DNASE1L2: variants seen among roughly 807,000 people sequenced by gnomAD.
The protein encoded by DNASE1L2 is deoxyribonuclease-1-like 2.
In DNASE1L2, 35 loss-of-function variants were observed where a neutral mutation model predicts 31.8. The observed-to-expected ratio is 1.10, with a 90% CI of 0.84 to 1.46. DNASE1L2 has a LOEUF of 1.46. DNASE1L2 is among the 40% of genes most tolerant of loss of function. The pLI is 0.00. For synonymous variants in DNASE1L2, 211 were observed against 186.5 expected (o/e 1.13, Z -1.07); for missense variants, 504 against 418.8 (o/e 1.20, Z -1.77).
rs760600300 is a variant in DNASE1L2, at chr16:2,237,961, GC to G, written c.790del (p.Gln264SerfsTer30). The G allele has an allele frequency of 8.1e-6, 13 of 1,609,386 alleles. No homozygotes were observed. In the East Asian group the frequency reaches 2.7e-4, roughly 33 times the overall value. On this transcript the variant is annotated frameshift_variant, in exon 6 of 7. Coordinates refer to ENST00000320700, the MANE Select transcript of DNASE1L2 (RefSeq NM_001374.3). LOFTEE classifies it high-confidence loss of function. ...GCGCCCGCCTGCGCCGGAGCCTGAAGCCCCAGTCGGCCACCGTGCACGACTT... is the reference window on the plus strand; with the variant it reads ...GCGCCCGCCTGCGCCGGAGCCTGAAGCCCAGTCGGCCACCGTGCACGACTT... ...CGARLRRSLK[P>X]QSATVHDFQE...
rs780188732 is a variant in DNASE1L2, at chr16:2,237,308, GGCGGGCCGCAGGGAGGGGCGC to G, written c.317+13_317+33del. 5.7e-6 allele frequency: 9 copies of G among 1,588,120 alleles called. No individual in the cohort carries two copies. The highest frequency in any genetic ancestry group is 4.6e-5 in the East Asian group (2 of 43,718). On this transcript the variant is annotated splice_region_variant and intron_variant, in intron 4 of 6. Coordinates refer to ENST00000320700, the MANE Select transcript of DNASE1L2 (RefSeq NM_001374.3). ...TGTACCTGTTCGTGTACAGGTGAGG[GGCGGGCCGCAGGGAGGGGCGC>G]GCGGGGCCGCAGGTCGGGGGCTCAG...
Position 2,237,424 on chromosome 16 carries a change from G to C in DNASE1L2, c.366G>C (p.Glu122Asp). Reference sequence around the variant, plus strand: ...ACACCTACCTGTACCCAGACCCCGAGGACGTCTTCAGCCGCGAGCCCTTCG... The same window carrying C: ...ACACCTACCTGTACCCAGACCCCGACGACGTCTTCAGCCGCGAGCCCTTCG... ...VVDTYLYPDP[E>D]DVFSREPFVV... The change falls in exon 5 of 7, where the codon GAG becomes GAC. Residue 122 changes from glutamate (E) to aspartate (D), a missense_variant. Glu to Asp is a conservative substitution (Grantham distance 45, BLOSUM62 2). Transcript: ENST00000320700. 1.3e-6 allele frequency: 2 copies of C among 1,598,808 alleles called. No individual in the cohort carries two copies. Among genetic ancestry groups the C allele is most frequent in the Non-Finnish European group, 1.7e-6 (2 of 1,175,860 alleles).
Position 2,237,779 on chromosome 16 carries a change from C to G in DNASE1L2, c.604C>G (p.Leu202Val), listed in dbSNP as rs2093517069. 1 of 1,607,472 alleles carries G rather than the reference C, an allele frequency of 6.2e-7. No individual in the cohort carries two copies. The highest frequency in any genetic ancestry group is 8.5e-7 in the Non-Finnish European group (1 of 1,177,846). The change falls in exon 6 of 7, where the codon CTG (leucine) becomes GTG (valine). Residue 202 changes from leucine to valine, a missense_variant. Transcript: ENST00000320700. ...DKWGTDDMLF[L>V]GDFNADCSYV... ...GCGGCGCCCGCAGGACATGCTGTTC[C>G]TGGGCGACTTCAACGCCGACTGCAG...
At chr16:2,237,329 C>A (rs2141486496) in intron 4 of DNASE1L2, 28 bp downstream of exon 4, 3 of 1,591,982 alleles carry the variant, frequency 1.9e-6, no homozygotes, top group African/African-American at 2.7e-5. Context: ...GGGAGGGGCG[C>A]GCGGGGCCGC....
intron 1 of DNASE1L2, 48 bp from the exon 2 acceptor site, chr16:2,236,730 C>G: frequency 6.9e-7 from 1 of 1,449,318 alleles, no homozygotes; most frequent in Non-Finnish European, 9.0e-7. Context: ...AAGGGGCGGC[C>G]GCGGAGGGAA....
rs780278307 is a variant in DNASE1L2 at position 2,238,431 on chromosome 16, C to CTGGGGCA, written c.*16_*22dup. 14 of 1,613,180 alleles carry CTGGGGCA rather than the reference C, an allele frequency of 8.7e-6. No homozygotes were observed. The highest frequency in any genetic ancestry group is 1.6e-4 in the Middle Eastern group (1 of 6,082). Reference sequence around the variant, plus strand: ...GTTCCACCGATGACTCGAGGCCTGGCTGGGGCATGCCACCTGCAGACCCTG... The same window carrying CTGGGGCA: ...GTTCCACCGATGACTCGAGGCCTGGCTGGGGCATGGGGCATGCCACCTGCAGACCCTG... On this transcript the variant is annotated 3_prime_UTR_variant, in exon 7 of 7. Coordinates refer to ENST00000320700, the MANE Select transcript of DNASE1L2 (RefSeq NM_001374.3).
At chr16:2,238,077 C>T (rs1339841705) in intron 6 of DNASE1L2, 59 bp downstream of exon 6, 4 of 1,530,276 alleles carry the variant, frequency 2.6e-6, no homozygotes, top group Non-Finnish European at 3.5e-6. Context: ...CGCACGCAGG[C>T]AGCAGGGAGG....
chr16:2,236,628 C>T lies in DNASE1L2; in HGVS notation c.-40+68C>T, dbSNP rs1169925820. The stretch of plus-strand genomic sequence containing the variant: ...ACCCTCCATTCCGGCTGCAGCTTCC[C>T]GCGCAGTGAGAAGGCAGCGGTCCCT... On this transcript the variant is annotated intron_variant, in intron 1 of 6. Transcript: ENST00000320700. 5.9e-6 allele frequency: 8 copies of T among 1,357,596 alleles called. No individual in the cohort carries two copies. The South Asian group carries it at 1.4e-4, about 23-fold the overall frequency. The allele number at this position is 1,357,596 out of a possible 1,614,324, so 84.1% of individuals were successfully genotyped here.
chr16:2,238,303 C>A, intron 6 of DNASE1L2, 59 bp from the exon 7 acceptor site: 1 of 1,603,984 alleles, frequency 6.2e-7, no homozygotes, highest in Non-Finnish European at 8.5e-7. Flanking sequence ...CCTCACCGGC[C>A]CCTCCCATCC....
intron 3 of DNASE1L2, 31 bp from the exon 4 acceptor site, chr16:2,237,187 C>T (rs985916638): frequency 1.9e-6 from 3 of 1,552,552 alleles, no homozygotes; most frequent in Non-Finnish European, 2.6e-6. Context: ...GGCGCGGCGC[C>T]CCGACCCTGA....
intron 5 of DNASE1L2, 45 bp downstream of exon 5, chr16:2,237,694 G>C (rs767369134): frequency 6.3e-7 from 1 of 1,589,742 alleles, no homozygotes; most frequent in South Asian, 1.1e-5. Context: ...GCGCGCCCCG[G>C]GGGTCTGGTT....
At position 2,237,203 on chromosome 16, in the gene DNASE1L2, CCCCT is replaced by C. The variant is rs2093514123; in HGVS notation, c.234-14_234-11del. The C allele has an allele frequency of 6.4e-7, 1 of 1,560,428 alleles. No homozygotes were observed. The highest frequency in any genetic ancestry group is 8.7e-7 in the Non-Finnish European group (1 of 1,153,258). On this transcript the variant is annotated splice_polypyrimidine_tract_variant and intron_variant, in intron 3 of 6. Transcript: ENST00000320700. Reference sequence around the variant, plus strand: ...GCGCGGCGCCCCGACCCTGAGCGGGCCCCTGTCTCCGCAGCGTGTCCGAGCACGA... The same window carrying C: ...GCGCGGCGCCCCGACCCTGAGCGGGCGTCTCCGCAGCGTGTCCGAGCACGA...
chr16:2,237,473 A>AC lies in DNASE1L2; in HGVS notation c.417dup (p.Gly140ArgfsTer2). The AC allele has an allele frequency of 6.3e-7, 1 of 1,577,362 alleles. No homozygotes were observed. Among genetic ancestry groups the AC allele is most frequent in the South Asian group, 1.1e-5 (1 of 86,968 alleles). On this transcript the variant is annotated frameshift_variant, in exon 5 of 7. Transcript: ENST00000320700. LOFTEE classifies it high-confidence loss of function. ...CGTGGTCAAGTTCTCGGCCCCCGGC[A>AC]CCGGTGAGCGGGCCCCGCCCCTCCC...
rs117794268 is a variant in DNASE1L2 at position 2,237,025 on chromosome 16, C to T, written c.145-13C>T. 0.099 allele frequency: 152,903 copies of T among 1,547,928 alleles called. 8,416 individuals carry two copies. The highest frequency in any genetic ancestry group is 0.11 in the Non-Finnish European group (129,212 of 1,146,524). ...TGACCGCGCTGACCCCCGCACCCGC[C>T]GCTCCTCCCCAGATCCTGGCTGGCT... On this transcript the variant is annotated splice_polypyrimidine_tract_variant and intron_variant, in intron 2 of 6. Transcript: ENST00000320700.
In DNASE1L2 at chr16:2,237,760, C is replaced by T. The variant is rs1467100614; in HGVS notation, c.592-7C>T. The stretch of plus-strand genomic sequence containing the variant: ...GCGGCTCAGACACGGCTCCGCGGCG[C>T]CCGCAGGACATGCTGTTCCTGGGCG... On this transcript the variant is annotated splice_polypyrimidine_tract_variant and splice_region_variant and intron_variant, in intron 5 of 6. Coordinates refer to ENST00000320700, the MANE Select transcript of DNASE1L2 (RefSeq NM_001374.3). 3 of 1,601,254 alleles carry T rather than the reference C, an allele frequency of 1.9e-6. No individual in the cohort carries two copies. Among genetic ancestry groups the T allele is most frequent in the African/African-American group, 2.7e-5 (2 of 74,636 alleles).
Position 2,236,878 on chromosome 16 carries a change from C to A in DNASE1L2, c.62C>A (p.Ala21Glu). 6.3e-7 allele frequency: 1 copy of A among 1,597,358 alleles called. No homozygotes were observed. The highest frequency in any genetic ancestry group is 1.7e-5 in the Admixed American group (1 of 58,006). ...GCGCTGGAAGCCGCCGGGACCGCCGCGCTTCGCATCGGAGCCTTCAACATT... is the reference window on the plus strand; with the variant it reads ...GCGCTGGAAGCCGCCGGGACCGCCGAGCTTCGCATCGGAGCCTTCAACATT... ...LWALEAAGTA[A>E]LRIGAFNIQS... The change falls in exon 2 of 7, where the codon GCG becomes GAG. Residue 21 changes from alanine (A) to glutamate (E), a missense_variant. By Grantham distance (107) the Ala-to-Glu change is moderately radical. Transcript: ENST00000320700.
At position 2,236,570 on chromosome 16, in the gene DNASE1L2, T is replaced by C. The variant is rs994877848; in HGVS notation, c.-40+10T>C. On this transcript the variant is annotated intron_variant, in intron 1 of 6. Coordinates refer to ENST00000320700, the MANE Select transcript of DNASE1L2 (RefSeq NM_001374.3). ...TGCACCCACATCCAAGGTGAGTCTCTCGGCTGCCCTGAGCTGGGGCTGGAT... is the reference window on the plus strand; with the variant it reads ...TGCACCCACATCCAAGGTGAGTCTCCCGGCTGCCCTGAGCTGGGGCTGGAT... 32 of 1,282,244 alleles carry C rather than the reference T, an allele frequency of 2.5e-5. No individual in the cohort carries two copies. The highest frequency in any genetic ancestry group is 1.2e-4 in the Admixed American group (3 of 25,924). The allele number at this position is 1,282,244 out of a possible 1,614,324, so 79.4% of individuals were successfully genotyped here. A position where few individuals can be genotyped will look rare whatever the true frequency, so the allele number is the denominator to read the frequency against.
rs2093511400 is a variant in DNASE1L2 at position 2,236,560 on chromosome 16, G to A, written c.-40G>A. ...CTCGGGCCTCTGCACCCACATCCAA[G>A]GTGAGTCTCTCGGCTGCCCTGAGCT... On this transcript the variant is annotated splice_region_variant and 5_prime_UTR_variant, in exon 1 of 7. Transcript: ENST00000320700. 1.6e-6 allele frequency: 2 copies of A among 1,273,052 alleles called. No homozygotes were observed. Among genetic ancestry groups the A allele is most frequent in the South Asian group, 5.8e-5 (2 of 34,596 alleles). The allele number at this position is 1,273,052 out of a possible 1,614,324, so 78.9% of individuals were successfully genotyped here.
intron 5 of DNASE1L2, 42 bp downstream of exon 5, chr16:2,237,691 C>T (rs2093516687): frequency 8.8e-6 from 14 of 1,589,252 alleles, no homozygotes; most frequent in Non-Finnish European, 1.0e-5. Flanking sequence ...CAGGCGCGCC[C>T]CGGGGGTCTG....
Sources: allele counts gnomAD v4.1 joint callset, GRCh38; gene constraint gnomAD v4.1.1; transcripts MANE v1.5; gene names NCBI Gene and HGNC (gene_info 2026-07-23, HGNC 2026-07-21).